The following MAGI2 variants were observed in gnomAD, a reference collection of about 807,000 sequenced individuals.
MAGI2 encodes membrane-associated guanylate kinase, WW and PDZ domain-containing protein 2.
A neutral mutation model predicts 133.3 loss-of-function variants in MAGI2; 35 were observed. The ratio of observed to expected loss-of-function variants is 0.26; its 90% CI spans 0.20 to 0.35. MAGI2 has a LOEUF of 0.35. Among genes scored for constraint, MAGI2 ranks in the 10% least tolerant of loss-of-function variants. The pLI, the probability that MAGI2 is intolerant of heterozygous loss-of-function variation, is 1.00. For missense variants in MAGI2, 1,636 were observed against 1,863.4 expected, an observed-to-expected ratio of 0.88 and a Z score of 2.25; for synonymous variants, 729 against 710.6, an observed-to-expected ratio of 1.03 and a Z score of -0.41.
At chr7:79,012,264 T>G (rs1472429832) in intron 1 of MAGI2, 1 of 152,144 alleles carries the variant, frequency 6.6e-6, no homozygotes, top group African/African-American at 2.4e-5. Flanking sequence ...CTAATTAAAC[T>G]TTATGGATAA....
chr7:79,048,682 T>C (rs1453027836), intron 1 of MAGI2, among the ~76,000 whole-genome samples: 1 of 152,176 alleles, frequency 6.6e-6, no homozygotes, highest in African/African-American at 2.4e-5. Context: ...GCTTAAGAAT[T>C]ATCTCAGGGG....
At chr7:78,721,691 T>G (rs1820283211) in intron 2 of MAGI2, among the ~76,000 whole-genome samples, 1 of 152,036 alleles carries the variant, frequency 6.6e-6, no homozygotes, top group Admixed American at 6.6e-5. Context: ...GATGGTAGCT[T>G]TTTACTAAGA....
At chr7:78,515,838 T>C (rs1795993619) in intron 4 of MAGI2, among the ~76,000 whole-genome samples, 1 of 150,888 alleles carries the variant, frequency 6.6e-6, no homozygotes, top group Non-Finnish European at 1.5e-5. Context: ...AGCGGAGGTT[T>C]TGGTGAACCG....
intron 3 of MAGI2, among the ~76,000 whole-genome samples, chr7:78,574,180 G>T (rs1290712057): frequency 6.6e-6 from 1 of 152,146 alleles, no homozygotes; most frequent in African/African-American, 2.4e-5. Flanking sequence ...CCTTCAGCAA[G>T]CCCCAGTGCC....
intron 1 of MAGI2, among the ~76,000 whole-genome samples, chr7:79,041,617 C>A (rs1811676699): frequency 6.6e-6 from 1 of 151,920 alleles, no homozygotes; most frequent in Non-Finnish European, 1.5e-5. Flanking sequence ...AGAAATGCTA[C>A]TTTTAAATAT....
At chr7:78,170,491 A>G (rs189062663) in intron 14 of MAGI2, 19 of 152,306 alleles carry the variant, frequency 1.2e-4, no homozygotes, top group African/African-American at 4.3e-4. Flanking sequence ...AGCCCAGGAT[A>G]CTTTTAGGTG....
At chr7:78,203,375 G>A (rs763996479) in intron 10 of MAGI2, among the ~76,000 whole-genome samples, 1 of 152,154 alleles carries the variant, frequency 6.6e-6, no homozygotes, top group African/African-American at 2.4e-5. Context: ...ATCATCTACC[G>A]TCTCAGGAGT....
At chr7:78,288,143 T>C (rs1796335653) in intron 9 of MAGI2, among the ~76,000 whole-genome samples, 1 of 152,154 alleles carries the variant, frequency 6.6e-6, no homozygotes, top group Admixed American at 6.5e-5. Flanking sequence ...AGAAAACATT[T>C]CCAGGCCTGT....
At chr7:78,389,986 T>C (rs1795751834) in intron 6 of MAGI2, among the ~76,000 whole-genome samples, 1 of 152,222 alleles carries the variant, frequency 6.6e-6, no homozygotes, top group Admixed American at 6.5e-5. Flanking sequence ...TACTATACTT[T>C]ATTGCCTTTT....
intron 1 of MAGI2, among the ~76,000 whole-genome samples, chr7:79,024,873 G>T (rs1809711907): frequency 6.6e-6 from 1 of 152,100 alleles, no homozygotes; most frequent in Non-Finnish European, 1.5e-5. Flanking sequence ...GCGAGGTTGT[G>T]GAGAAAAGGG....
intron 2 of MAGI2, among the ~76,000 whole-genome samples, chr7:78,810,143 T>C (rs1788918355): frequency 6.6e-6 from 1 of 152,136 alleles, no homozygotes; most frequent in Non-Finnish European, 1.5e-5. Context: ...GTTAATGAAA[T>C]TGGTATATTG....
At chr7:78,573,453 C>A (rs1325301060) in intron 3 of MAGI2, among the ~76,000 whole-genome samples, 3 of 117,394 alleles carry the variant, frequency 2.6e-5, no homozygotes, top group East Asian at 5.6e-4. Context: ...GGTCATATGG[C>A]CCAAGTGGCA....
At chr7:78,429,353 G>T (rs1331545765) in intron 6 of MAGI2, among the ~76,000 whole-genome samples, 1 of 151,776 alleles carries the variant, frequency 6.6e-6, no homozygotes, top group African/African-American at 2.4e-5. Context: ...CCAAGCATTT[G>T]TGAGATGGCC....
At chr7:78,164,146 A>G (rs1825386848) in intron 15 of MAGI2, among the ~76,000 whole-genome samples, 1 of 152,148 alleles carries the variant, frequency 6.6e-6, no homozygotes, top group Non-Finnish European at 1.5e-5. Flanking sequence ...GGGCTGAAGG[A>G]ACTTGTTCAA....
chr7:78,057,440 C>T (rs1015052402), intron 21 of MAGI2, among the ~76,000 whole-genome samples: 1 of 152,108 alleles, frequency 6.6e-6, no homozygotes, highest in Non-Finnish European at 1.5e-5. Flanking sequence ...GAAGGGGTTT[C>T]ACCATGTTGG....
intron 1 of MAGI2, among the ~76,000 whole-genome samples, chr7:79,329,227 A>G (rs1391555433): frequency 6.6e-6 from 1 of 152,238 alleles, no homozygotes; most frequent in African/African-American, 2.4e-5. Flanking sequence ...CTACAGATCA[A>G]TATTTTCCAT....
chr7:78,924,141 C>G (rs1277457050), intron 2 of MAGI2, among the ~76,000 whole-genome samples: 3 of 152,124 alleles, frequency 2.0e-5, no homozygotes, highest in Non-Finnish European at 2.9e-5. Context: ...CGTCTGCAAA[C>G]AGGGACAATT....
At chr7:78,569,127 C>CAT (rs542029811) in intron 3 of MAGI2, among the ~76,000 whole-genome samples, 1 of 69,230 alleles carries the variant, frequency 1.4e-5, no homozygotes, top group African/African-American at 3.3e-5. Flanking sequence ...TGCATGCCAA[C>CAT]ACACACACAC....
intron 6 of MAGI2, among the ~76,000 whole-genome samples, chr7:78,381,418 G>T (rs1794914313): frequency 6.6e-6 from 1 of 151,936 alleles, no homozygotes; most frequent in South Asian, 2.1e-4. Flanking sequence ...CAAGTATGAG[G>T]AAAGGTTTTC....
Sources: gnomAD v4.1 joint callset for allele counts (sites outside exome capture counted in the v4.1 genomes callset) on GRCh38, gnomAD v4.1.1 for gene constraint, MANE v1.5 for transcripts, NCBI Gene and HGNC (gene_info 2026-07-23, HGNC 2026-07-21) for gene names.